Variants in MSN observed in about 807,000 individuals in gnomAD.
MSN encodes the protein epididymis luminal protein 70.
In MSN, 2 loss-of-function variants were observed where a neutral mutation model predicts 48.0. The ratio of observed to expected loss-of-function variants is 0.04; its 90% CI spans 0.02 to 0.13. The LOEUF (loss-of-function observed/expected upper bound fraction) is 0.13, where lower values mean the gene tolerates loss of function less well. Ranked by LOEUF, MSN falls within the 10% of genes least tolerant of loss-of-function variation. The pLI is 1.00. For missense variants in MSN, 267 were observed against 470.1 expected (o/e 0.57, Z 3.99); for synonymous variants, 146 against 166.9 (o/e 0.87, Z 0.97).
At chrX:65,676,874 G>T (rs1041159475) in intron 1 of MSN, among the ~76,000 whole-genome samples, 36 of 109,872 alleles carry the variant, frequency 3.3e-4, no homozygotes, top group Non-Finnish European at 6.6e-4. Context: ...GCCCAGGCTG[G>T]AGTGCAGTGG....
At chrX:65,680,410 T>C (rs563485997) in intron 1 of MSN, among the ~76,000 whole-genome samples, 1 of 112,252 alleles carries the variant, frequency 8.9e-6, no homozygotes, top group South Asian at 3.7e-4. Context: ...TTTTAAGAAA[T>C]GAACATTCTA....
chrX:65,651,560 A>ATTT lies in MSN; in HGVS notation c.-22+62949_-22+62951dup, dbSNP rs1329446129. Among the ~76,000 whole-genome samples, 356 of 82,233 alleles carry ATTT rather than the reference A, an allele frequency of 4.3e-3. 2 individuals are homozygous for ATTT. Among genetic ancestry groups the ATTT allele is most frequent in the African/African-American group, 0.022 (335 of 15,109 alleles). The allele number at this position is 82,233 out of a possible 115,157, so 71.4% of individuals were successfully genotyped here. On this transcript the variant is annotated intron_variant, in intron 1 of 3. Coordinates refer to the MSN transcript ENST00000609672. Reference sequence around the variant, plus strand: ...AAAAATGGGCAAGGAAAGAAGTAATATTTATTATTATTATTATTATTATTA... The same window carrying ATTT: ...AAAAATGGGCAAGGAAAGAAGTAATATTTTTTATTATTATTATTATTATTATTA...
At chrX:65,712,212 G>T (rs1271340857) in intron 1 of MSN, among the ~76,000 whole-genome samples, 1 of 111,589 alleles carries the variant, frequency 9.0e-6, no homozygotes, top group Non-Finnish European at 1.9e-5. Context: ...TCCCACTGGG[G>T]TACTTGCCTT....
At chrX:65,608,693 C>A (rs1005996911) in intron 1 of MSN, among the ~76,000 whole-genome samples, 1 of 111,064 alleles carries the variant, frequency 9.0e-6, no homozygotes, top group African/African-American at 3.3e-5. Context: ...ACATGGCATG[C>A]TGTCTGTGTG....
intron 1 of MSN, among the ~76,000 whole-genome samples, chrX:65,609,111 A>G (rs1358226589): frequency 9.7e-6 from 1 of 102,995 alleles, no homozygotes; most frequent in Non-Finnish European, 2.0e-5. Context: ...GCTCTCAATG[A>G]GAGCCCTGGA....
At chrX:65,683,256 G>T (rs1205569191) in intron 1 of MSN, among the ~76,000 whole-genome samples, 1 of 111,611 alleles carries the variant, frequency 9.0e-6, no homozygotes, top group Non-Finnish European at 1.9e-5. Flanking sequence ...GAGGTTTAGG[G>T]ATTTGGTTGG....
chrX:65,597,933 A>T (rs1183961080), intron 1 of MSN, among the ~76,000 whole-genome samples: 1 of 111,582 alleles, frequency 9.0e-6, no homozygotes, highest in African/African-American at 3.3e-5. Flanking sequence ...TTTGGGTAAA[A>T]GGCTGGAGGG....
chrX:65,601,575 C>T (rs971020114), intron 1 of MSN, among the ~76,000 whole-genome samples: 4 of 112,630 alleles, frequency 3.6e-5, no homozygotes, highest in African/African-American at 1.3e-4. Flanking sequence ...CGGTGGCTGG[C>T]TGGGCGGGTG....
chrX:65,623,790 C>T (rs1251238140), intron 1 of MSN, among the ~76,000 whole-genome samples: 10 of 100,701 alleles, frequency 9.9e-5, no homozygotes, highest in African/African-American at 2.0e-4. Flanking sequence ...CCAGCCTGGG[C>T]GACAAGAGAG....
At chrX:65,672,511 A>T (rs2070952346) in intron 1 of MSN, among the ~76,000 whole-genome samples, 1 of 111,746 alleles carries the variant, frequency 8.9e-6, no homozygotes, top group Non-Finnish European at 1.9e-5. Flanking sequence ...GAGCTGAAAA[A>T]CTTTTCAATT....
chrX:65,594,779 C>G (rs898024969), intron 1 of MSN, among the ~76,000 whole-genome samples: 1 of 111,427 alleles, frequency 9.0e-6, no homozygotes, highest in African/African-American at 3.3e-5. Flanking sequence ...TGTTGTTTCC[C>G]TTGCATCTGA....
chrX:65,663,576 A>G (rs2070841299), upstream of MSN, among the ~76,000 whole-genome samples: 1 of 112,028 alleles, frequency 8.9e-6, no homozygotes, highest in African/African-American at 3.2e-5. Context: ...CTTAAAACAG[A>G]GCTACATTTG....
intron 1 of MSN, among the ~76,000 whole-genome samples, chrX:65,670,964 G>T (rs2070935679): frequency 1.8e-5 from 1 of 54,500 alleles, no homozygotes; most frequent in African/African-American, 7.3e-5. Context: ...ATTTAAAAAG[G>T]CCTTTCCCCC....
chrX:65,616,113 G>T (rs1602720875), intron 1 of MSN, among the ~76,000 whole-genome samples: 1 of 111,612 alleles, frequency 9.0e-6, no homozygotes, highest in African/African-American at 3.3e-5. Context: ...CTGTAGCCTT[G>T]TAGTATAGTT....
At chrX:65,733,368 T>C in intron 7 of MSN, 88 bp downstream of exon 7, 1 of 763,779 alleles carries the variant, frequency 1.3e-6, no homozygotes, top group African/African-American at 2.0e-5. Flanking sequence ...CTCTTCCTTT[T>C]CTGATGTGTT....
At position 65,737,170 on chromosome X, in the gene MSN, C is replaced by T. The variant is rs777171142; in HGVS notation, c.1091-8C>T. 90 of 1,197,967 alleles carry T rather than the reference C, an allele frequency of 7.5e-5. 1 individual carries two copies. The South Asian group carries it at 1.2e-3, about 16-fold the overall frequency. On this transcript the variant is annotated splice_region_variant and splice_polypyrimidine_tract_variant and intron_variant, in intron 9 of 12. Transcript: ENST00000360270. ...CTTCACTGCCTTCTCCCCTCCTTTTCTGCTCAGAACTGGAAGAACAGACCC... is the reference window on the plus strand; with the variant it reads ...CTTCACTGCCTTCTCCCCTCCTTTTTTGCTCAGAACTGGAAGAACAGACCC...
intron 1 of MSN, among the ~76,000 whole-genome samples, chrX:65,649,498 C>T (rs1402926300): frequency 2.9e-5 from 3 of 102,277 alleles, no homozygotes; most frequent in African/African-American, 1.1e-4. Flanking sequence ...TTTGCTTGAA[C>T]CCGGGAGGCG....
intron 4 of MSN, 39 bp downstream of exon 4, chrX:65,729,751 G>A (rs375129942): frequency 3.0e-4 from 350 of 1,182,577 alleles, no homozygotes; most frequent in Non-Finnish European, 2.4e-4. Context: ...TTGGCCATAA[G>A]GGGCTGCAGC....
At chrX:65,692,939 G>A (rs910770691) in intron 1 of MSN, among the ~76,000 whole-genome samples, 2 of 111,759 alleles carry the variant, frequency 1.8e-5, no homozygotes, top group East Asian at 2.8e-4. Context: ...CTCGGCCAGC[G>A]TTGTTTTTTT....
Sources: gnomAD v4.1 joint callset for allele counts (sites outside exome capture counted in the v4.1 genomes callset) on GRCh38, gnomAD v4.1.1 for gene constraint, MANE v1.5 for transcripts, NCBI Gene and HGNC (gene_info 2026-07-23, HGNC 2026-07-21) for gene names.